Variants in UAP1 observed in about 807,000 individuals in gnomAD.
The protein encoded by UAP1 is UDP-N-acetylglucosamine pyrophosphorylase 1, also known as UDP-N-acetylhexosamine pyrophosphorylase.
A neutral mutation model predicts 58.5 loss-of-function variants in UAP1; 25 were observed. That is an observed-to-expected ratio of 0.43 (90% CI 0.31 to 0.60). The LOEUF is 0.60. Among genes scored for constraint, UAP1 ranks in the 20% least tolerant of loss-of-function variants. The pLI, the probability that UAP1 is intolerant of heterozygous loss-of-function variation, is 0.11. For synonymous variants in UAP1, 208 were observed against 213.0 expected (o/e 0.98, Z 0.21); for missense variants, 575 against 630.0 (o/e 0.91, Z 0.93).
chr1:162,593,132 C>A, intron 9 of UAP1: 1 of 270,722 alleles, frequency 3.7e-6, no homozygotes, highest in Non-Finnish European at 7.0e-6. Flanking sequence ...GTTAAAAATA[C>A]CATTCTGAAG....
At chr1:162,566,445 T>A in intron 2 of UAP1, 97 bp downstream of exon 2, 1 of 1,289,900 alleles carries the variant, frequency 7.8e-7, no homozygotes, top group Non-Finnish European at 1.1e-6. Flanking sequence ...TGATTCATAC[T>A]ACATTAAACC....
At chr1:162,592,533 GC>G (rs1485459334) in intron 8 of UAP1, among the ~76,000 whole-genome samples, 198 bp from the exon 9 acceptor site, 12 of 152,206 alleles carry the variant, frequency 7.9e-5, no homozygotes, top group African/African-American at 2.9e-4. Context: ...CTTGCTCTTG[GC>G]ATGTCACATT....
chr1:162,565,506 T>C (rs1653435474), intron 1 of UAP1, among the ~76,000 whole-genome samples: 4 of 152,242 alleles, frequency 2.6e-5, no homozygotes, highest in Admixed American at 2.6e-4. Flanking sequence ...TTGTTCTGTC[T>C]TCCTGAATAT....
chr1:162,588,280 A>G (rs1655039085), intron 6 of UAP1, among the ~76,000 whole-genome samples: 1 of 152,230 alleles, frequency 6.6e-6, no homozygotes, highest in African/African-American at 2.4e-5. Flanking sequence ...GACATTCAAG[A>G]TGACTTGTCT....
chr1:162,574,502 T>C (rs1654057698), intron 2 of UAP1, among the ~76,000 whole-genome samples: 1 of 152,190 alleles, frequency 6.6e-6, no homozygotes, highest in Non-Finnish European at 1.5e-5. Context: ...CCACATTACC[T>C]AAGGATTTTA....
intron 2 of UAP1, among the ~76,000 whole-genome samples, chr1:162,566,609 A>G (rs889703431): frequency 1.3e-5 from 2 of 151,700 alleles, no homozygotes; most frequent in African/African-American, 4.8e-5. Context: ...CAAGTTAAAT[A>G]CTTAAGTTTA....
At chr1:162,593,080 A>G in intron 9 of UAP1, 1 of 441,676 alleles carries the variant, frequency 2.3e-6, no homozygotes, top group Non-Finnish European at 4.1e-6. Flanking sequence ...GTTACAGGTC[A>G]GGGAGAACAC....
intron 2 of UAP1, among the ~76,000 whole-genome samples, chr1:162,572,327 T>C (rs918420612): frequency 5.3e-5 from 8 of 152,254 alleles, no homozygotes; most frequent in Non-Finnish European, 8.8e-5. Flanking sequence ...AGCAGTAATT[T>C]AGGGAACCCA....
At chr1:162,577,061 C>T in intron 3 of UAP1, 80 bp downstream of exon 3, 1 of 1,247,702 alleles carries the variant, frequency 8.0e-7, no homozygotes, top group Non-Finnish European at 1.1e-6. Flanking sequence ...ACTTTATGCA[C>T]TCACAGACAT....
chr1:162,569,136 A>C (rs1232837583), intron 2 of UAP1, among the ~76,000 whole-genome samples: 1 of 152,230 alleles, frequency 6.6e-6, no homozygotes, highest in Non-Finnish European at 1.5e-5. Context: ...GCAAATTCAT[A>C]ACAAAATGAA....
At chr1:162,579,953 C>T (rs1654480935) in intron 4 of UAP1, among the ~76,000 whole-genome samples, 1 of 152,218 alleles carries the variant, frequency 6.6e-6, no homozygotes, top group Non-Finnish European at 1.5e-5. Context: ...CAACCTCTGC[C>T]TACTGGGTTC....
At chr1:162,599,478 T>C in exon 11 of UAP1, 1 of 643,250 alleles carries the variant, frequency 1.6e-6, no homozygotes, top group Non-Finnish European at 2.7e-6. Flanking sequence ...CAGGGTTTTA[T>C]TTTGCTTGTT....
chr1:162,583,589 C>G (rs1654734566), intron 5 of UAP1, among the ~76,000 whole-genome samples: 1 of 152,110 alleles, frequency 6.6e-6, no homozygotes, highest in Admixed American at 6.5e-5. Flanking sequence ...CCCCTTTGAT[C>G]TCAGAAATGA....
intron 5 of UAP1, among the ~76,000 whole-genome samples, chr1:162,586,754 C>T (rs1208836181): frequency 6.6e-6 from 1 of 151,820 alleles, no homozygotes; most frequent in Non-Finnish European, 1.5e-5. Flanking sequence ...TTTAGTATAC[C>T]CTCTTTTCTC....
At chr1:162,565,844 A>T (rs112999673) in intron 1 of UAP1, among the ~76,000 whole-genome samples, 168 bp from the exon 2 acceptor site, 4 of 152,228 alleles carry the variant, frequency 2.6e-5, no homozygotes, top group Admixed American at 2.6e-4. Flanking sequence ...AGTGCCTGGT[A>T]CATATTATTG....
At chr1:162,592,342 CTG>C (rs2101832655) in intron 8 of UAP1, among the ~76,000 whole-genome samples, 1 of 152,276 alleles carries the variant, frequency 6.6e-6, no homozygotes, top group East Asian at 1.9e-4. Context: ...TGAGCTGAGA[CTG>C]TACCACTGCA....
At chr1:162,594,619 G>A (rs1254005527) in intron 9 of UAP1, among the ~76,000 whole-genome samples, 1 of 152,106 alleles carries the variant, frequency 6.6e-6, no homozygotes, top group Non-Finnish European at 1.5e-5. Flanking sequence ...GAAGCAAGCT[G>A]CTTTTATATT....
chr1:162,566,510 A>G (rs1308149357), intron 2 of UAP1, among the ~76,000 whole-genome samples, 162 bp downstream of exon 2: 1 of 152,056 alleles, frequency 6.6e-6, no homozygotes, highest in Admixed American at 6.6e-5. Flanking sequence ...TGCTCCATTT[A>G]AGGCTTCTCT....
chr1:162,578,815 A>G (rs1432832076), intron 3 of UAP1, among the ~76,000 whole-genome samples: 1 of 152,220 alleles, frequency 6.6e-6, no homozygotes, highest in Non-Finnish European at 1.5e-5. Flanking sequence ...TTGAGGATAA[A>G]TCAGTAACCC....
Sources: allele counts gnomAD v4.1 joint callset (sites outside exome capture counted in the v4.1 genomes callset), GRCh38; gene constraint gnomAD v4.1.1; transcripts MANE v1.5; gene names NCBI Gene and HGNC (gene_info 2026-07-23, HGNC 2026-07-21).